The following MYO3B variants were observed in gnomAD, a reference collection of about 807,000 sequenced individuals.
MYO3B encodes the protein myosin IIIB.
MYO3B carries 156 observed loss-of-function variants against 174.6 expected under a neutral mutation model. The ratio of observed to expected loss-of-function variants is 0.89; its 90% CI spans 0.78 to 1.02. MYO3B has a LOEUF of 1.02. Among genes scored for constraint, MYO3B ranks in the 50% least tolerant of loss-of-function variants. The pLI is 0.00. For missense variants in MYO3B, 1,632 were observed against 1,639.4 expected, an observed-to-expected ratio of 1.00 and a Z score of 0.08; for synonymous variants, 563 against 569.1, an observed-to-expected ratio of 0.99 and a Z score of 0.15.
At chr2:170,333,189 G>A (rs928791852) in intron 7 of MYO3B, among the ~76,000 whole-genome samples, 5 of 152,170 alleles carry the variant, frequency 3.3e-5, no homozygotes, top group African/African-American at 1.2e-4. Context: ...CGGACTCACT[G>A]AAAGATATAG....
At chr2:170,650,388 G>T (rs1020210019) in intron 32 of MYO3B, among the ~76,000 whole-genome samples, 1 of 152,006 alleles carries the variant, frequency 6.6e-6, no homozygotes, top group Non-Finnish European at 1.5e-5. Flanking sequence ...AATTCCCCCA[G>T]AATTTTTTTA....
rs767373444 is a variant in MYO3B at position 170,391,531 on chromosome 2, A to C, written c.1589A>C (p.Asn530Thr). ...TCTTTTTTTTTCAGGAGAGAGAAAA[A>C]TTTTCATATATTTTACTATATTTAT... is the stretch of plus-strand genomic sequence containing the variant. ...RVIKQAAREK[N>T]FHIFYYIYAG... Residue 530 changes from asparagine (N) to threonine (T), a missense_variant, in exon 15 of 35, where the codon AAT becomes ACT. Transcript: ENST00000408978. 9 of 1,495,828 alleles carry C rather than the reference A, an allele frequency of 6.0e-6. No homozygotes were observed. In the East Asian group the frequency reaches 2.2e-4, roughly 36 times the overall value. 92.7% of individuals were successfully genotyped at this position (1,495,828 alleles called of 1,614,324 possible).
intron 32 of MYO3B, among the ~76,000 whole-genome samples, chr2:170,629,128 A>C (rs1359392271): frequency 6.6e-6 from 1 of 152,260 alleles, no homozygotes; most frequent in African/African-American, 2.4e-5. Flanking sequence ...ACCTCCGATT[A>C]ATACACTGTC....
At chr2:170,438,980 C>G (rs1365631037) in intron 22 of MYO3B, among the ~76,000 whole-genome samples, 1 of 151,910 alleles carries the variant, frequency 6.6e-6, no homozygotes, top group East Asian at 1.9e-4. Flanking sequence ...TTTCATTTCC[C>G]TAATGTTTAG....
intron 30 of MYO3B, among the ~76,000 whole-genome samples, chr2:170,529,410 T>C (rs542986099): frequency 6.6e-6 from 1 of 152,090 alleles, no homozygotes; most frequent in Non-Finnish European, 1.5e-5. Context: ...CTTTCCTTCC[T>C]TCCCTTCTGT....
chr2:170,194,600 T>C (rs1483820661), intron 1 of MYO3B, among the ~76,000 whole-genome samples: 1 of 152,216 alleles, frequency 6.6e-6, no homozygotes, highest in Non-Finnish European at 1.5e-5. Context: ...TTTTGTTTTA[T>C]TTGCTTTTAT....
At chr2:170,247,899 A>G (rs1044892160) in intron 7 of MYO3B, among the ~76,000 whole-genome samples, 15 of 152,234 alleles carry the variant, frequency 9.9e-5, no homozygotes, top group African/African-American at 3.6e-4. Flanking sequence ...CATTCAGACC[A>G]TAGCACAAAG....
At chr2:170,519,865 C>T (rs1420224508) in intron 30 of MYO3B, 1 of 221,986 alleles carries the variant, frequency 4.5e-6, no homozygotes, top group African/African-American at 2.4e-5. Flanking sequence ...CCCAGCTACT[C>T]AGGAGGCTGA....
At chr2:170,374,766 C>CACACAT (rs2094277541) in intron 9 of MYO3B, among the ~76,000 whole-genome samples, 1 of 141,930 alleles carries the variant, frequency 7.0e-6, no homozygotes, top group African/African-American at 2.7e-5. Context: ...CATACACACA[C>CACACAT]ACACACACAC....
At chr2:170,567,371 C>A (rs982782623) in intron 32 of MYO3B, among the ~76,000 whole-genome samples, 1 of 152,106 alleles carries the variant, frequency 6.6e-6, no homozygotes. Context: ...AATTTTTTCC[C>A]GTAACCACTG....
At chr2:170,494,455 C>T (rs1018926771) in intron 25 of MYO3B, among the ~76,000 whole-genome samples, 20 of 152,190 alleles carry the variant, frequency 1.3e-4, no homozygotes, top group Middle Eastern at 3.4e-3. Context: ...GGGCCAGATG[C>T]GTTGGCTCAT....
intron 7 of MYO3B, among the ~76,000 whole-genome samples, chr2:170,246,529 GACAC>G (rs58936698): frequency 0.03 from 4,188 of 140,200 alleles, 179 homozygotes; most frequent in African/African-American, 0.099. Context: ...TTTGGACATG[GACAC>G]ACACACACAC....
At chr2:170,238,538 T>C (rs2093096668) in intron 7 of MYO3B, among the ~76,000 whole-genome samples, 3 of 152,246 alleles carry the variant, frequency 2.0e-5, no homozygotes, top group Non-Finnish European at 4.4e-5. Flanking sequence ...TCAGGGTATG[T>C]TGGGATCCAG....
At chr2:170,640,679 T>C (rs62168255) in intron 32 of MYO3B, 4 of 152,228 alleles carry the variant, frequency 2.6e-5, no homozygotes, top group African/African-American at 4.8e-5. Context: ...TGCTAGTATG[T>C]CTTAAATTCC....
At position 170,407,654 on chromosome 2, in the gene MYO3B, C is replaced by T. The variant is rs1036768763; in HGVS notation, c.2521-61C>T. On this transcript the variant is annotated intron_variant, in intron 21 of 34. Transcript: ENST00000408978. The stretch of plus-strand genomic sequence containing the variant: ...ATTAACAACTGGTTAGGCAAGTTGC[C>T]AGTGTCACCAATGACGGACAGTTGA... 160 of 1,598,826 alleles carry T rather than the reference C, an allele frequency of 1.0e-4. 1 individual carries two copies. The Admixed American group carries it at 2.7e-3, about 27-fold the overall frequency.
At chr2:170,192,850 C>T (rs539435727) in intron 1 of MYO3B, among the ~76,000 whole-genome samples, 1 of 151,570 alleles carries the variant, frequency 6.6e-6, no homozygotes, top group African/African-American at 2.4e-5. Flanking sequence ...TTTCTTCTTT[C>T]TATTATTAAT....
chr2:170,612,069 A>G (rs560214014), intron 32 of MYO3B, among the ~76,000 whole-genome samples: 1 of 152,300 alleles, frequency 6.6e-6, no homozygotes, highest in Admixed American at 6.5e-5. Context: ...TTCCCTTGAT[A>G]CCTGGGCATG....
In MYO3B at chr2:170,221,334, C is replaced by A. The variant is rs1008665020; in HGVS notation, c.603+3939C>A. ...CCTATTTTATTTTTGAGGAATTGAACCAAATTGTTTTTTCCCTTTTTTATT... is the reference window on the plus strand; with the variant it reads ...CCTATTTTATTTTTGAGGAATTGAAACAAATTGTTTTTTCCCTTTTTTATT... On this transcript the variant is annotated intron_variant, in intron 6 of 34. Coordinates refer to ENST00000408978, the MANE Select transcript of MYO3B (RefSeq NM_138995.5). 4.6e-5 allele frequency among the ~76,000 whole-genome samples: 7 copies of A among 152,058 alleles called. No homozygotes were observed. The South Asian group carries it at 1.4e-3, about 31-fold the overall frequency.
intron 8 of MYO3B, among the ~76,000 whole-genome samples, chr2:170,360,294 G>A (rs2094151328): frequency 6.6e-6 from 1 of 152,110 alleles, no homozygotes; most frequent in Non-Finnish European, 1.5e-5. Context: ...GGGCATTTAA[G>A]CCTGGACTAA....
Sources: allele counts gnomAD v4.1 joint callset (sites outside exome capture counted in the v4.1 genomes callset), GRCh38; gene constraint gnomAD v4.1.1; transcripts MANE v1.5; gene names NCBI Gene and HGNC (gene_info 2026-07-23, HGNC 2026-07-21).